CIMIP2B: variants seen among roughly 807,000 people sequenced by gnomAD.
CIMIP2B encodes the protein family with sequence similarity 166 member B.
At chr9:35,562,147 T>C in the CIMIP2B span, 2 of 1,373,658 alleles carry the variant, frequency 1.5e-6, no homozygotes, top group African/African-American at 2.9e-5. Context: ...GGCAAAGCCA[T>C]TTAATTCTCA....
At chr9:35,562,440 G>C in the CIMIP2B span, 3 of 1,575,994 alleles carry the variant, frequency 1.9e-6, no homozygotes, top group South Asian at 1.2e-5. Flanking sequence ...GTTCTGGGAA[G>C]TGGGGGGAGA....
the CIMIP2B span, chr9:35,562,837 C>CCACA: frequency 6.2e-7 from 1 of 1,613,418 alleles, no homozygotes; most frequent in Non-Finnish European, 8.5e-7. Flanking sequence ...ACCCCCACTC[C>CCACA]CACACCTCTG....
At chr9:35,562,301 C>T in the CIMIP2B span, 1 of 1,294,696 alleles carries the variant, frequency 7.7e-7, no homozygotes, top group Non-Finnish European at 1.0e-6. Flanking sequence ...GTTTCAACCC[C>T]CACAAACCAC....
At chr9:35,562,120 C>T in the CIMIP2B span, 1 of 1,487,854 alleles carries the variant, frequency 6.7e-7, no homozygotes, top group Non-Finnish European at 9.0e-7. Context: ...GAGTCTGTCA[C>T]ATGTAGCAAG....
chr9:35,562,665 C>T, the CIMIP2B span: 1 of 1,613,648 alleles, frequency 6.2e-7, no homozygotes, highest in African/African-American at 1.3e-5. Flanking sequence ...TGAAGAACTT[C>T]CGAGGGTCCC....
the CIMIP2B span, chr9:35,563,686 C>A: frequency 7.3e-7 from 1 of 1,361,678 alleles, no homozygotes; most frequent in Non-Finnish European, 1.0e-6. Context: ...CCGCTTGGCC[C>A]CATGCTCTAA....
the CIMIP2B span, chr9:35,562,965 C>T: frequency 1.2e-6 from 2 of 1,614,030 alleles, no homozygotes; most frequent in Admixed American, 3.3e-5. Context: ...CCTTGGCCTC[C>T]TTTGGTAGCT....
chr9:35,562,816 C>A, the CIMIP2B span: 1 of 1,611,268 alleles, frequency 6.2e-7, no homozygotes, highest in Non-Finnish European at 8.5e-7. Context: ...ACTGCCCGGA[C>A]ACACAGTAAG....
chr9:35,562,115 T>TGTCA, the CIMIP2B span: 7 of 1,501,922 alleles, frequency 4.7e-6, no homozygotes, highest in Middle Eastern at 2.2e-4. Context: ...CAAGAGAGTC[T>TGTCA]GTCACATGTA....
At chr9:35,563,182 C>T in the CIMIP2B span, 1 of 1,614,000 alleles carries the variant, frequency 6.2e-7, no homozygotes, top group Non-Finnish European at 8.5e-7. Flanking sequence ...ACCCAGGGAT[C>T]ATGCTGGAGC....
At chr9:35,562,693 GGAGAAGCCTGTGA>G in the CIMIP2B span, 1 of 1,613,662 alleles carries the variant, frequency 6.2e-7, no homozygotes, top group Non-Finnish European at 8.5e-7. Context: ...CATGGAGTAG[GGAGAAGCCTGTGA>G]GAGAAGCCCC....
the CIMIP2B span, chr9:35,562,106 AAG>A: frequency 6.6e-7 from 1 of 1,521,688 alleles, no homozygotes. Flanking sequence ...CTGTGTGGCC[AAG>A]AGAGTCTGTC....
chr9:35,562,404 G>GA, the CIMIP2B span: 11 of 1,502,574 alleles, frequency 7.3e-6, no homozygotes, highest in East Asian at 2.6e-4. Context: ...CCATAGTTAG[G>GA]TAAAAGACCC....
At chr9:35,561,931 TCCCA>T in the CIMIP2B span, 1 of 195,278 alleles carries the variant, frequency 5.1e-6, no homozygotes, top group Non-Finnish European at 9.8e-6. Context: ...CCTCCCACCC[TCCCA>T]CCCACCTCTC....
chr9:35,563,622 C>T, the CIMIP2B span: 1 of 775,292 alleles, frequency 1.3e-6, no homozygotes, highest in Non-Finnish European at 2.1e-6. Flanking sequence ...TAGTCCCTTG[C>T]TTCTCCTTTT....
chr9:35,562,265 T>C, the CIMIP2B span: 2 of 1,077,628 alleles, frequency 1.9e-6, no homozygotes, highest in Non-Finnish European at 1.3e-6. Context: ...CTGAACCACA[T>C]GATCTGAGCC....
the CIMIP2B span, chr9:35,562,521 C>CAG: frequency 6.3e-7 from 1 of 1,576,236 alleles, no homozygotes; most frequent in African/African-American, 1.3e-5. Flanking sequence ...TTGGTGAGCA[C>CAG]AGGAAAGCTG....
chr9:35,561,931 TCCCACCCA>T, the CIMIP2B span: 1 of 195,276 alleles, frequency 5.1e-6, no homozygotes, highest in Non-Finnish European at 9.8e-6. Flanking sequence ...CCTCCCACCC[TCCCACCCA>T]CCTCTCTCCC....
At chr9:35,563,355 C>T in the CIMIP2B span, 284 of 1,613,712 alleles carry the variant, frequency 1.8e-4, no homozygotes, top group Non-Finnish European at 2.3e-4. Flanking sequence ...GTCTGGCCCA[C>T]GCTGAACCGA....
Sources: allele counts gnomAD v4.1 joint callset, GRCh38; gene constraint gnomAD v4.1.1; transcripts MANE v1.5; gene names NCBI Gene and HGNC (gene_info 2026-07-23, HGNC 2026-07-21).